The following GRIK2 variants were observed in gnomAD, a reference collection of about 807,000 sequenced individuals.
The protein encoded by GRIK2 is glutamate receptor ionotropic, kainate 2.
A neutral mutation model predicts 100.3 loss-of-function variants in GRIK2; 32 were observed. The ratio of observed to expected loss-of-function variants is 0.32; its 90% CI spans 0.24 to 0.43. The LOEUF is 0.43. Ranked by LOEUF, GRIK2 falls within the 20% of genes least tolerant of loss-of-function variation. GRIK2 has a pLI of 1.00. For synonymous variants in GRIK2, 417 were observed against 389.4 expected (o/e 1.07, Z -0.83); for missense variants, 843 against 1,114.9 (o/e 0.76, Z 3.47).
chr6:101,826,283 T>C (rs891693730), intron 10 of GRIK2, among the ~76,000 whole-genome samples: 4 of 152,006 alleles, frequency 2.6e-5, no homozygotes, highest in East Asian at 1.9e-4. Context: ...ACTGTACTTA[T>C]AGGAAAGAGG....
At chr6:101,891,517 A>AG (rs1491511020) in intron 12 of GRIK2, 1 of 128,888 alleles carries the variant, frequency 7.8e-6, no homozygotes, top group African/African-American at 3.4e-5. Flanking sequence ...ACTCCATCTC[A>AG]AAAAAAAAAA....
intron 9 of GRIK2, among the ~76,000 whole-genome samples, chr6:101,809,708 T>C (rs1252989645): frequency 6.6e-6 from 1 of 152,022 alleles, no homozygotes; most frequent in Admixed American, 6.6e-5. Flanking sequence ...AAAAGTGATG[T>C]TTGCTTCTCT....
At position 101,571,654 on chromosome 6, in the gene GRIK2, G is replaced by C. The variant is rs1276829669; in HGVS notation, c.116-50295G>C. ...AATAAATTAAAAGAGCATATATGAT[G>C]ATGATGTTTTTAAAATTGAGTATAA... On this transcript the variant is annotated intron_variant, in intron 2 of 16. Coordinates refer to ENST00000369134, the MANE Select transcript of GRIK2 (RefSeq NM_021956.5). Among the ~76,000 whole-genome samples, 10 of 152,148 alleles carry C rather than the reference G, an allele frequency of 6.6e-5. No homozygotes were observed. In the Middle Eastern group the frequency reaches 0.024, roughly 362 times the overall value.
intron 2 of GRIK2, among the ~76,000 whole-genome samples, chr6:101,524,868 A>G (rs1430762080): frequency 6.6e-6 from 1 of 151,894 alleles, no homozygotes; most frequent in East Asian, 1.9e-4. Flanking sequence ...AGTAGCTGGG[A>G]TTACAGGCAC....
intron 2 of GRIK2, among the ~76,000 whole-genome samples, chr6:101,588,856 A>T (rs954562813): frequency 6.6e-6 from 1 of 152,100 alleles, no homozygotes; most frequent in African/African-American, 2.4e-5. Context: ...AAAAAAGATC[A>T]TTCTAGCTTA....
chr6:101,596,301 T>C (rs1045538034), intron 2 of GRIK2, among the ~76,000 whole-genome samples: 1 of 151,346 alleles, frequency 6.6e-6, no homozygotes, highest in East Asian at 1.9e-4. Context: ...ATTTTTTCAT[T>C]ATTTATATCT....
At chr6:101,685,764 TCAAA>T (rs1344519797) in intron 6 of GRIK2, among the ~76,000 whole-genome samples, 2 of 148,000 alleles carry the variant, frequency 1.4e-5, no homozygotes, top group African/African-American at 2.5e-5. Flanking sequence ...AAAACAACAA[TCAAA>T]CAAAGAAACA....
intron 7 of GRIK2, among the ~76,000 whole-genome samples, chr6:101,690,510 T>C (rs1554247119): frequency 6.6e-6 from 1 of 152,172 alleles, no homozygotes; most frequent in Non-Finnish European, 1.5e-5. Flanking sequence ...GCTTTCCTAA[T>C]AATCCCCTCA....
chr6:101,873,665 T>C (rs983901424), intron 11 of GRIK2, among the ~76,000 whole-genome samples: 52 of 151,956 alleles, frequency 3.4e-4, no homozygotes, highest in South Asian at 2.9e-3. Context: ...CTTGAGGAAT[T>C]GCCACACTGT....
chr6:101,682,179 T>C (rs1324361633), intron 5 of GRIK2, among the ~76,000 whole-genome samples: 1 of 152,322 alleles, frequency 6.6e-6, no homozygotes. Context: ...TTCAGTAATA[T>C]TGTTCATTAA....
intron 11 of GRIK2, among the ~76,000 whole-genome samples, chr6:101,874,450 G>A (rs1459818087): frequency 6.6e-6 from 1 of 152,098 alleles, no homozygotes; most frequent in Non-Finnish European, 1.5e-5. Flanking sequence ...TGTTCCATTG[G>A]TCTATATCTC....
chr6:101,573,130 G>A (rs1322191253), intron 2 of GRIK2, among the ~76,000 whole-genome samples: 1 of 152,042 alleles, frequency 6.6e-6, no homozygotes, highest in Admixed American at 6.6e-5. Flanking sequence ...ACAGGGGTGA[G>A]CCACCACACC....
intron 2 of GRIK2, among the ~76,000 whole-genome samples, chr6:101,587,185 C>T (rs1778418135): frequency 6.6e-6 from 1 of 151,654 alleles, no homozygotes; most frequent in East Asian, 1.9e-4. Flanking sequence ...AATAGAACTG[C>T]TGGAAATGAA....
At position 101,930,595 on chromosome 6, in the gene GRIK2, T is replaced by G. The variant is rs756313134; in HGVS notation, c.2085+1963T>G. Among the ~76,000 whole-genome samples, 6 of 152,048 alleles carry G rather than the reference T, an allele frequency of 3.9e-5. No individual in the cohort carries two copies. The East Asian group carries it at 9.6e-4, about 24-fold the overall frequency. ...TTTAATTTTATTTTTTCCAGAAGACTCAAATATTTTGTTTTAAAGTTCAAA... is the reference window on the plus strand; with the variant it reads ...TTTAATTTTATTTTTTCCAGAAGACGCAAATATTTTGTTTTAAAGTTCAAA... On this transcript the variant is annotated intron_variant, in intron 14 of 16. Coordinates refer to ENST00000369134, the MANE Select transcript of GRIK2 (RefSeq NM_021956.5).
chr6:101,408,603 C>G (rs1297863162), intron 2 of GRIK2, among the ~76,000 whole-genome samples: 1 of 152,036 alleles, frequency 6.6e-6, no homozygotes, highest in African/African-American at 2.4e-5. Flanking sequence ...AAAGAAAACC[C>G]AGGCTTGAAG....
chr6:101,600,832 G>T (rs560401747), intron 2 of GRIK2, among the ~76,000 whole-genome samples: 43 of 151,802 alleles, frequency 2.8e-4, no homozygotes, highest in Non-Finnish European at 4.4e-4. Flanking sequence ...GGTATTCTAG[G>T]CATAGAATCA....
At chr6:101,490,647 C>T (rs574429073) in intron 2 of GRIK2, among the ~76,000 whole-genome samples, 1 of 146,474 alleles carries the variant, frequency 6.8e-6, no homozygotes, top group Non-Finnish European at 1.5e-5. Context: ...TAAAAGGTAT[C>T]GTTGTCTTGT....
chr6:101,861,037 C>T, intron 11 of GRIK2: 1 of 239,440 alleles, frequency 4.2e-6, no homozygotes, highest in African/African-American at 2.3e-5. Context: ...CTTGGTAAGG[C>T]AAAGGTGAGT....
intron 2 of GRIK2, among the ~76,000 whole-genome samples, chr6:101,426,800 C>T (rs757864535): frequency 2.6e-5 from 4 of 152,124 alleles, no homozygotes; most frequent in Non-Finnish European, 5.9e-5. Flanking sequence ...CCTTCAGCTT[C>T]AATAATACTG....
Sources: allele counts gnomAD v4.1 joint callset (sites outside exome capture counted in the v4.1 genomes callset), GRCh38; gene constraint gnomAD v4.1.1; transcripts MANE v1.5; gene names NCBI Gene and HGNC (gene_info 2026-07-23, HGNC 2026-07-21).